CLSTN2: variants seen among roughly 807,000 people sequenced by gnomAD.
CLSTN2 encodes the protein calsyntenin 2, also known as calsyntenin-2.
A neutral mutation model predicts 101.2 loss-of-function variants in CLSTN2; 48 were observed. The ratio of observed to expected loss-of-function variants is 0.47; its 90% CI spans 0.38 to 0.60. The LOEUF (loss-of-function observed/expected upper bound fraction) is 0.60, where lower values mean the gene tolerates loss of function less well. CLSTN2 is among the 20% of genes least tolerant of loss of function. CLSTN2 has a pLI of 0.00. For missense variants in CLSTN2, 1,160 were observed against 1,238.2 expected, an observed-to-expected ratio of 0.94 and a Z score of 0.95; for synonymous variants, 481 against 463.6, an observed-to-expected ratio of 1.04 and a Z score of -0.48.
chr3:140,342,771 G>A (rs74963293), intron 2 of CLSTN2, among the ~76,000 whole-genome samples: 3,337 of 152,192 alleles, frequency 0.022, 108 homozygotes, highest in African/African-American at 0.074. Context: ...ACAGGCCCAG[G>A]AGTTGATACT....
chr3:140,455,765 A>G (rs1198075025), intron 6 of CLSTN2, among the ~76,000 whole-genome samples: 2 of 152,258 alleles, frequency 1.3e-5, no homozygotes, highest in Non-Finnish European at 2.9e-5. Context: ...GAGAAGAGAG[A>G]CAGAAAAACC....
intron 2 of CLSTN2, among the ~76,000 whole-genome samples, chr3:140,366,134 C>T (rs545992373): frequency 3.9e-4 from 60 of 152,358 alleles, no homozygotes; most frequent in African/African-American, 1.4e-3. Context: ...GAGAGGCACA[C>T]GTGCACACTT....
chr3:140,509,446 G>A (rs540476922), intron 8 of CLSTN2, among the ~76,000 whole-genome samples: 2 of 152,244 alleles, frequency 1.3e-5, no homozygotes, highest in East Asian at 3.9e-4. Context: ...CTGATGCTGT[G>A]GTTCAGAGAC....
At chr3:140,411,066 G>A (rs2088357686) in intron 4 of CLSTN2, among the ~76,000 whole-genome samples, 1 of 152,128 alleles carries the variant, frequency 6.6e-6, no homozygotes, top group African/African-American at 2.4e-5. Context: ...TGACAAAATG[G>A]AGATATTAAG....
At chr3:140,073,433 A>G (rs79251208) in intron 1 of CLSTN2, among the ~76,000 whole-genome samples, 7 of 152,368 alleles carry the variant, frequency 4.6e-5, no homozygotes, top group African/African-American at 1.7e-4. Flanking sequence ...CTGCCTCACC[A>G]GCTGACTAAT....
At chr3:140,397,545 C>A (rs1001827246) in intron 2 of CLSTN2, among the ~76,000 whole-genome samples, 3 of 152,126 alleles carry the variant, frequency 2.0e-5, no homozygotes, top group Admixed American at 2.0e-4. Context: ...GCTGAGAAGT[C>A]CAAGATCAAG....
intron 2 of CLSTN2, among the ~76,000 whole-genome samples, chr3:140,177,758 C>T (rs866059133): frequency 6.6e-6 from 1 of 152,170 alleles, no homozygotes; most frequent in Non-Finnish European, 1.5e-5. Flanking sequence ...ATTGCACCAA[C>T]TGCACTCTAT....
At chr3:140,386,080 A>G (rs2088048484) in intron 2 of CLSTN2, among the ~76,000 whole-genome samples, 2 of 152,114 alleles carry the variant, frequency 1.3e-5, no homozygotes, top group Admixed American at 1.3e-4. Context: ...ACCAACCTTT[A>G]CTATGTACTT....
intron 1 of CLSTN2, among the ~76,000 whole-genome samples, chr3:140,068,290 C>T (rs2008331884): frequency 6.6e-6 from 1 of 152,218 alleles, no homozygotes; most frequent in South Asian, 2.1e-4. Context: ...CTCCACAAAT[C>T]TAGACAATTC....
intron 1 of CLSTN2, among the ~76,000 whole-genome samples, chr3:140,043,963 C>T (rs2007815302): frequency 6.6e-6 from 1 of 152,128 alleles, no homozygotes. Flanking sequence ...TAGCGTGATG[C>T]CTCCAGCTTT....
intron 2 of CLSTN2, among the ~76,000 whole-genome samples, chr3:140,269,953 TTTG>T (rs74820840): frequency 0.16 from 24,578 of 152,098 alleles, 4,413 homozygotes; most frequent in African/African-American, 0.45. Context: ...TTTGTGAGGA[TTTG>T]ATGGTAGAGA....
At chr3:140,110,996 T>C (rs2009146377) in intron 1 of CLSTN2, among the ~76,000 whole-genome samples, 1 of 152,164 alleles carries the variant, frequency 6.6e-6, no homozygotes, top group Admixed American at 6.5e-5. Flanking sequence ...CCTAGAAGGA[T>C]CCTGGGCTCT....
At chr3:140,551,550 A>G (rs923314779) in intron 10 of CLSTN2, among the ~76,000 whole-genome samples, 8 of 151,566 alleles carry the variant, frequency 5.3e-5, no homozygotes, top group African/African-American at 1.7e-4. Context: ...AGAACTAGAC[A>G]CTCCTAGGTT....
chr3:140,161,480 A>T (rs1019425821), intron 1 of CLSTN2, among the ~76,000 whole-genome samples: 3 of 152,202 alleles, frequency 2.0e-5, no homozygotes, highest in African/African-American at 4.8e-5. Flanking sequence ...TTTCCAAAAG[A>T]ATCAGAGGCT....
chr3:140,021,425 G>A (rs1299763146), intron 1 of CLSTN2, among the ~76,000 whole-genome samples: 1 of 152,188 alleles, frequency 6.6e-6, no homozygotes, highest in East Asian at 1.9e-4. Context: ...CGTACCGGCA[G>A]CATTGCAGTG....
At chr3:140,164,961 G>A (rs2010112195) in intron 1 of CLSTN2, among the ~76,000 whole-genome samples, 1 of 152,028 alleles carries the variant, frequency 6.6e-6, no homozygotes, top group African/African-American at 2.4e-5. Flanking sequence ...ATTGATGGAT[G>A]GAAAGAAAAT....
intron 1 of CLSTN2, among the ~76,000 whole-genome samples, chr3:140,027,358 C>T (rs1163504062): frequency 6.6e-6 from 1 of 152,096 alleles, no homozygotes; most frequent in Non-Finnish European, 1.5e-5. Context: ...AGAGATGGCA[C>T]ACAGAGACAC....
At chr3:140,174,053 C>G (rs530695632) in intron 1 of CLSTN2, among the ~76,000 whole-genome samples, 1 of 152,250 alleles carries the variant, frequency 6.6e-6, no homozygotes, top group South Asian at 2.1e-4. Flanking sequence ...TCTTTTCTAT[C>G]GCATTGTCAG....
chr3:140,568,738 G>T lies in CLSTN2; in HGVS notation c.*2485G>T, dbSNP rs536804834. The T allele has an allele frequency of 6.6e-6, 1 of 152,222 alleles. No individual in the cohort carries two copies. Among genetic ancestry groups the T allele is most frequent in the East Asian group, 1.9e-4 (1 of 5,184 alleles). 9.4% of individuals were successfully genotyped at this position (152,222 alleles called of 1,614,324 possible). ...CTCTTTGCTCAGTCTTTTCGATCTGGTTGGGTAGGGAAGGTGTTCCTCATG... is the reference window on the plus strand; with the variant it reads ...CTCTTTGCTCAGTCTTTTCGATCTGTTTGGGTAGGGAAGGTGTTCCTCATG... On this transcript the variant is annotated 3_prime_UTR_variant, in exon 17 of 17. Transcript: ENST00000458420.
Sources: gnomAD v4.1 joint callset for allele counts (sites outside exome capture counted in the v4.1 genomes callset) on GRCh38, gnomAD v4.1.1 for gene constraint, MANE v1.5 for transcripts, NCBI Gene and HGNC (gene_info 2026-07-23, HGNC 2026-07-21) for gene names.